Variants in MYT1L observed in about 807,000 individuals in gnomAD.
MYT1L encodes the protein myelin transcription factor 1 like.
A neutral mutation model predicts 126.7 loss-of-function variants in MYT1L; 12 were observed. The ratio of observed to expected loss-of-function variants is 0.09; its 90% CI spans 0.06 to 0.15. The LOEUF is 0.15. MYT1L is among the 10% of genes least tolerant of loss of function. The pLI, the probability that MYT1L is intolerant of heterozygous loss-of-function variation, is 1.00. For synonymous variants in MYT1L, 541 were observed against 604.2 expected (o/e 0.90, Z 1.53); for missense variants, 979 against 1,585.2 (o/e 0.62, Z 6.49).
At chr2:2,002,373 C>T (rs1026009372) in intron 4 of MYT1L, among the ~76,000 whole-genome samples, 6 of 152,152 alleles carry the variant, frequency 3.9e-5, no homozygotes, top group African/African-American at 1.4e-4. Context: ...TCTATGATAC[C>T]AGTTGTAAAG....
chr2:2,090,769 C>T lies in MYT1L; in HGVS notation c.-303-36646G>A, dbSNP rs761932093. ...GAGTCCATCCTCTCAAACCCTGCTG[C>T]TGCTTTATCAACTGGGCTTATGTAA... On this transcript the variant is annotated intron_variant, in intron 3 of 24. Coordinates refer to ENST00000647738, the MANE Select transcript of MYT1L (RefSeq NM_001303052.2). 9.1e-4 allele frequency among the ~76,000 whole-genome samples: 138 copies of T among 152,218 alleles called. 3 individuals carry two copies. Among genetic ancestry groups the T allele is most frequent in the Non-Finnish European group, 1.8e-4 (12 of 68,034 alleles).
Position 1,917,153 on chromosome 2 carries a change from CAG to C in MYT1L, c.1618+50_1618+51del. The C allele has an allele frequency of 6.3e-7, 1 of 1,577,594 alleles. No individual in the cohort carries two copies. The highest frequency in any genetic ancestry group is 1.3e-5 in the African/African-American group (1 of 74,392). On this transcript the variant is annotated intron_variant, in intron 11 of 24. Coordinates refer to ENST00000647738, the MANE Select transcript of MYT1L (RefSeq NM_001303052.2). The surrounding 1 kb of genome is among the most constrained non-coding windows in gnomAD (Gnocchi z 5.9). Reference sequence around the variant, plus strand: ...TGTCAGGTAAGAGGGATGACAGAGACAGAGTCATGGGTGTTTGCACCCCCAAG... The same window carrying C: ...TGTCAGGTAAGAGGGATGACAGAGACAGTCATGGGTGTTTGCACCCCCAAG...
At chr2:2,140,432 CTTT>C (rs35297300) in intron 3 of MYT1L, among the ~76,000 whole-genome samples, 23 of 112,944 alleles carry the variant, frequency 2.0e-4, no homozygotes, top group African/African-American at 6.2e-4. Flanking sequence ...CTTTCTTTTT[CTTT>C]TTTTTTTTTT....
In MYT1L at chr2:1,943,302, T is replaced by C. The variant is rs1376541452; in HGVS notation, c.185A>G (p.Lys62Arg). 4 of 1,572,488 alleles carry C rather than the reference T, an allele frequency of 2.5e-6. No individual in the cohort carries two copies. Among genetic ancestry groups the C allele is most frequent in the Non-Finnish European group, 3.5e-6 (4 of 1,158,142 alleles). ...TTCCTGGGGCTGTTTATCTTGTGTT[T>C]TTCTTTTTTTCGCCAAGGGACAACC... ...VYGCPLAKKR[K>R]TQDKQPQEPA... The change falls in exon 9 of 25, where the codon AAA becomes AGA. Residue 62 changes from lysine (K) to arginine (R), a missense_variant. Lys to Arg is a conservative substitution (Grantham distance 26). This residue lies in a region of MYT1L where 111 missense variants were observed against 115.9 expected (regional missense o/e 0.96). Coordinates refer to ENST00000647738, the MANE Select transcript of MYT1L (RefSeq NM_001303052.2). The surrounding 1 kb of genome is among the most constrained non-coding windows in gnomAD (Gnocchi z 4.4).
chr2:2,133,847 A>C (rs951234091), intron 3 of MYT1L, among the ~76,000 whole-genome samples: 1 of 152,178 alleles, frequency 6.6e-6, no homozygotes, highest in Non-Finnish European at 1.5e-5. Flanking sequence ...TTAGGGACAC[A>C]CCACATGCCC....
intron 5 of MYT1L, among the ~76,000 whole-genome samples, chr2:1,981,222 T>A (rs1399865919): frequency 6.6e-6 from 1 of 152,192 alleles, no homozygotes; most frequent in African/African-American, 2.4e-5. Context: ...TATTATGGTA[T>A]CGGGGGATAA....
At chr2:2,139,626 G>C (rs893735181) in intron 3 of MYT1L, among the ~76,000 whole-genome samples, 1 of 151,380 alleles carries the variant, frequency 6.6e-6, no homozygotes, top group Non-Finnish European at 1.5e-5. Flanking sequence ...GTGACAGAGC[G>C]ACACTCCATC....
intron 1 of MYT1L, among the ~76,000 whole-genome samples, chr2:2,293,415 T>C (rs2095628154): frequency 6.6e-6 from 1 of 152,188 alleles, no homozygotes; most frequent in South Asian, 2.1e-4. Flanking sequence ...CCACGCTGAC[T>C]GTGCTCCTTG....
chr2:1,919,021 T>C (rs1558396618), intron 10 of MYT1L, among the ~76,000 whole-genome samples: 1 of 152,196 alleles, frequency 6.6e-6, no homozygotes, highest in Non-Finnish European at 1.5e-5. Context: ...ATAAGAGATT[T>C]TGAACTAGAT....
chr2:1,956,270 GTCTATCTACCTA>G lies in MYT1L; in HGVS notation c.153-12948_153-12937del, dbSNP rs1558530728. On this transcript the variant is annotated intron_variant, in intron 8 of 24. Transcript: ENST00000647738. The stretch of plus-strand genomic sequence containing the variant: ...CTATTCTATATTTCCTATTCTATCT[GTCTATCTACCTA>G]TCTATCATCTATCTATCCTATTCTA... 1.8e-3 allele frequency among the ~76,000 whole-genome samples: 243 copies of G among 134,190 alleles called. 25 individuals carry two copies. The highest frequency in any genetic ancestry group is 3.4e-3 in the African/African-American group (116 of 34,418). 88.0% of individuals were successfully genotyped at this position (134,190 alleles called of 152,430 possible).
chr2:2,124,442 C>T (rs1399073702), intron 3 of MYT1L, among the ~76,000 whole-genome samples: 2 of 151,874 alleles, frequency 1.3e-5, no homozygotes, highest in African/African-American at 4.8e-5. Context: ...ATTACAGGCA[C>T]GTGCCACCAC....
chr2:1,918,278 A>G (rs534696962), intron 10 of MYT1L, among the ~76,000 whole-genome samples: 1 of 152,214 alleles, frequency 6.6e-6, no homozygotes, highest in Non-Finnish European at 1.5e-5. Context: ...ACTTCAGATA[A>G]TATTTCTAAA....
chr2:2,259,671 G>A (rs1169106156), intron 2 of MYT1L, among the ~76,000 whole-genome samples: 1 of 152,124 alleles, frequency 6.6e-6, no homozygotes, highest in Non-Finnish European at 1.5e-5. Flanking sequence ...TCGTCTTATA[G>A]AAAATGTGGC....
At chr2:1,954,692 T>A (rs2058186349) in intron 8 of MYT1L, among the ~76,000 whole-genome samples, 1 of 152,158 alleles carries the variant, frequency 6.6e-6, no homozygotes. Context: ...CAGGGACCCC[T>A]GAAGTTACAG....
chr2:1,861,946 T>TGCCTGCAGCCTGAGTAATCCTAGATCC (rs1558191690), intron 18 of MYT1L, among the ~76,000 whole-genome samples: 2 of 95,142 alleles, frequency 2.1e-5, no homozygotes, highest in South Asian at 3.5e-4. Flanking sequence ...ATCCTGGATC[T>TGCCTGCAGCCTGAGTAATCCTAGATCC]GCCTGCAGCC....
At chr2:1,907,705 T>A (rs549926230) in intron 13 of MYT1L, among the ~76,000 whole-genome samples, 72 of 152,378 alleles carry the variant, frequency 4.7e-4, no homozygotes, top group Non-Finnish European at 5.1e-4. Context: ...ATTTAAAGAC[T>A]TTTTGAATCG....
chr2:2,199,329 G>A (rs899842966), intron 2 of MYT1L, among the ~76,000 whole-genome samples: 3 of 152,194 alleles, frequency 2.0e-5, no homozygotes, highest in Admixed American at 1.3e-4. Flanking sequence ...CAAAAAAATT[G>A]TGCGGGACAG....
Position 1,922,676 on chromosome 2 carries a change from C to T in MYT1L, c.1093G>A (p.Glu365Lys). ...MNIRQHVRPE[E>K]DFPGRTPDRN... ...TCCGGCGTCCTTCCGGGGAAGTCCT[C>T]TTCTGGCCGGACATGCTGACGGATG... The change falls in exon 10 of 25, where the codon GAG (glutamate) becomes AAG (lysine). Residue 365 changes from glutamate to lysine, a missense_variant. Around this residue, in one of 12 missense-constraint regions of MYT1L, gnomAD observed 243 missense variants for 363.9 expected, o/e 0.67. Coordinates refer to ENST00000647738, the MANE Select transcript of MYT1L (RefSeq NM_001303052.2). This position sits in a 1 kb window ranked among gnomAD's most constrained non-coding sequence, Gnocchi z 7.4. 1 of 1,613,872 alleles carries T rather than the reference C, an allele frequency of 6.2e-7. No homozygotes were observed.
At chr2:2,182,187 G>C (rs2091611855) in intron 2 of MYT1L, among the ~76,000 whole-genome samples, 1 of 152,030 alleles carries the variant, frequency 6.6e-6, no homozygotes, top group African/African-American at 2.4e-5. Context: ...ACCGCACTGT[G>C]TCTTGGAACT....
Sources: allele counts gnomAD v4.1 joint callset (sites outside exome capture counted in the v4.1 genomes callset), GRCh38; gene constraint gnomAD v4.1.1; regional missense constraint gnomAD v4.1.1; non-coding constraint Gnocchi (gnomAD v3.1); transcripts MANE v1.5; gene names NCBI Gene and HGNC (gene_info 2026-07-23, HGNC 2026-07-21).